The following AGTPBP1 variants were observed in gnomAD, a reference collection of about 807,000 sequenced individuals.
The protein encoded by AGTPBP1 is ATP/GTP binding carboxypeptidase 1, also known as cytosolic carboxypeptidase 1.
A neutral mutation model predicts 143.9 loss-of-function variants in AGTPBP1; 70 were observed. The ratio of observed to expected loss-of-function variants is 0.49; its 90% CI spans 0.40 to 0.59. The LOEUF is 0.59. AGTPBP1 is among the 20% of genes least tolerant of loss of function. The pLI is 0.00. For synonymous variants in AGTPBP1, 463 were observed against 500.2 expected, an observed-to-expected ratio of 0.93 and a Z score of 0.99; for missense variants, 1,229 against 1,464.5, an observed-to-expected ratio of 0.84 and a Z score of 2.62.
chr9:85,768,552 T>C, the AGTPBP1 span, among the ~76,000 whole-genome samples: 1 of 152,234 alleles, frequency 6.6e-6, no homozygotes, highest in African/African-American at 2.4e-5. Context: ...TTACTCTATA[T>C]TGGATAATTC....
chr9:85,738,963 A>G (rs188476389), intron 1 of AGTPBP1, among the ~76,000 whole-genome samples: 6 of 152,292 alleles, frequency 3.9e-5, no homozygotes, highest in Admixed American at 6.5e-5. Context: ...ACTGTGGGCT[A>G]AGCACTTTAC....
intron 18 of AGTPBP1, among the ~76,000 whole-genome samples, chr9:85,595,234 T>C (rs1468312067): frequency 5.0e-4 from 76 of 152,214 alleles, no homozygotes; most frequent in Non-Finnish European, 4.4e-5. Flanking sequence ...ACAGTTTAAT[T>C]TTAGAAGCCT....
At chr9:85,626,143 T>C (rs1463334015) in intron 14 of AGTPBP1, among the ~76,000 whole-genome samples, 1 of 152,090 alleles carries the variant, frequency 6.6e-6, no homozygotes, top group Non-Finnish European at 1.5e-5. Flanking sequence ...TAAGTAATCA[T>C]CAGTGTGTTT....
intron 25 of AGTPBP1, among the ~76,000 whole-genome samples, chr9:85,557,694 T>C (rs1826439842): frequency 6.6e-6 from 1 of 152,222 alleles, no homozygotes; most frequent in African/African-American, 2.4e-5. Context: ...TATTAGACAC[T>C]ACTGTTAACA....
chr9:85,579,600 T>G (rs76195079), intron 23 of AGTPBP1, among the ~76,000 whole-genome samples: 9 of 143,914 alleles, frequency 6.3e-5, no homozygotes, highest in East Asian at 2.0e-4. Context: ...TGTGTGTGTG[T>G]GGGGCGAGGG....
intron 2 of AGTPBP1, among the ~76,000 whole-genome samples, chr9:85,706,894 G>A (rs183063155): frequency 6.6e-6 from 1 of 150,938 alleles, no homozygotes; most frequent in East Asian, 2.0e-4. Context: ...TAAATAAATA[G>A]GATCTAAAAT....
intron 2 of AGTPBP1, among the ~76,000 whole-genome samples, chr9:85,694,722 GATCCCATCTA>G (rs1399659196): frequency 2.0e-5 from 3 of 152,126 alleles, no homozygotes; most frequent in South Asian, 4.1e-4. Context: ...TGCCTTGAGT[GATCCCATCTA>G]ATCCCACAGC....
rs1321835760 is a variant in AGTPBP1 at position 85,633,252 on chromosome 9, A to T, written c.1425T>A (p.Val475=). ...TSGNSGNLRK[V]VMKENISSKG... ...TAGAAGATATGTTCTCCTTCATTACAACTTTTCTTAAATTGCCAGAATTCC... is the reference window on the plus strand; with the variant it reads ...TAGAAGATATGTTCTCCTTCATTACTACTTTTCTTAAATTGCCAGAATTCC... Residue 475 remains valine (V), a synonymous_variant, in exon 14 of 26, where the codon GTT becomes GTA. Transcript: ENST00000357081. The T allele has an allele frequency of 6.2e-7, 1 of 1,613,946 alleles. No individual in the cohort carries two copies. Among genetic ancestry groups the T allele is most frequent in the Non-Finnish European group, 8.5e-7 (1 of 1,180,010 alleles).
At chr9:85,710,670 T>C (rs1238788259) in intron 2 of AGTPBP1, among the ~76,000 whole-genome samples, 1 of 151,090 alleles carries the variant, frequency 6.6e-6, no homozygotes, top group East Asian at 1.9e-4. Flanking sequence ...TCCAAATTAG[T>C]TACCCTACAA....
chr9:85,588,381 A>G lies in AGTPBP1; in HGVS notation c.2820T>C (p.Asn940=). 1 of 1,613,604 alleles carries G rather than the reference A, an allele frequency of 6.2e-7. No homozygotes were observed. Among genetic ancestry groups the G allele is most frequent in the Non-Finnish European group, 8.5e-7 (1 of 1,179,700 alleles). Residue 940 remains asparagine, a synonymous_variant, in exon 21 of 26, where the codon AAT becomes AAC. Transcript: ENST00000357081. ...MKGTLEYLMS[N]NPTAQSLRES... ...CTCGTAAGCTCTGAGCAGTGGGGTT[A>G]TTGCTCATGAGATATTCCAACGTTC...
the AGTPBP1 span, among the ~76,000 whole-genome samples, chr9:85,753,594 A>G: frequency 3.9e-4 from 60 of 152,210 alleles, no homozygotes; most frequent in African/African-American, 1.4e-3. Context: ...TCTACTAAAA[A>G]TATAAAAATT....
chr9:85,718,263 T>C (rs909312305), intron 1 of AGTPBP1, among the ~76,000 whole-genome samples: 1 of 152,216 alleles, frequency 6.6e-6, no homozygotes, highest in South Asian at 2.1e-4. Flanking sequence ...TCCACAATGG[T>C]TGAACTAATT....
intron 17 of AGTPBP1, among the ~76,000 whole-genome samples, chr9:85,618,530 A>T (rs2133519468): frequency 1.3e-5 from 2 of 152,226 alleles, no homozygotes; most frequent in East Asian, 3.9e-4. Flanking sequence ...ATTTATACAC[A>T]ATGACCAAGT....
At chr9:85,744,983 G>T (rs1824564494), upstream of AGTPBP1, among the ~76,000 whole-genome samples, 1 of 152,192 alleles carries the variant, frequency 6.6e-6, no homozygotes, top group Non-Finnish European at 1.5e-5. Flanking sequence ...AAAACTAAAT[G>T]TGAATGGCTG....
intron 17 of AGTPBP1, among the ~76,000 whole-genome samples, chr9:85,605,603 A>C (rs1158311076): frequency 6.6e-6 from 1 of 152,158 alleles, no homozygotes; most frequent in East Asian, 1.9e-4. Context: ...AGAATATTAT[A>C]ATACTGTAAT....
chr9:85,576,080 G>GT (rs952141330), intron 24 of AGTPBP1, among the ~76,000 whole-genome samples: 4 of 152,112 alleles, frequency 2.6e-5, no homozygotes, highest in African/African-American at 9.7e-5. Flanking sequence ...AGCAAAAAGA[G>GT]TATTTTATCT....
At chr9:85,802,028 T>C in the AGTPBP1 span, among the ~76,000 whole-genome samples, 172 of 152,088 alleles carry the variant, frequency 1.1e-3, no homozygotes, top group Non-Finnish European at 1.8e-3. Context: ...CTTTACCTCC[T>C]TTCAAAGGAT....
chr9:85,591,856 T>C (rs1474925763), intron 19 of AGTPBP1, among the ~76,000 whole-genome samples: 1 of 152,172 alleles, frequency 6.6e-6, no homozygotes, highest in Non-Finnish European at 1.5e-5. Flanking sequence ...GATCACATCT[T>C]CATGATCTTT....
intron 1 of AGTPBP1, among the ~76,000 whole-genome samples, chr9:85,713,299 G>A (rs1458555029): frequency 3.3e-5 from 5 of 152,226 alleles, no homozygotes; most frequent in African/African-American, 1.2e-4. Flanking sequence ...GGGGGGCCAA[G>A]GCAGGTGGAT....
Sources: allele counts gnomAD v4.1 joint callset (sites outside exome capture counted in the v4.1 genomes callset), GRCh38; gene constraint gnomAD v4.1.1; transcripts MANE v1.5; gene names NCBI Gene and HGNC (gene_info 2026-07-23, HGNC 2026-07-21).